Variants in IVNS1ABP observed in about 807,000 individuals in gnomAD.
The protein encoded by IVNS1ABP is influenza virus NS1A binding protein, also known as influenza virus NS1A-binding protein.
Under a neutral mutation model 78.9 loss-of-function variants are expected in IVNS1ABP, and 25 were observed. The observed-to-expected ratio is 0.32, with a 90% confidence interval of 0.23 to 0.44. IVNS1ABP has a LOEUF of 0.44. Ranked by LOEUF, IVNS1ABP falls within the 20% of genes least tolerant of loss-of-function variation. The pLI is 1.00. For missense variants in IVNS1ABP, 494 were observed against 768.9 expected, an observed-to-expected ratio of 0.64 and a Z score of 4.23; for synonymous variants, 241 against 259.7, an observed-to-expected ratio of 0.93 and a Z score of 0.69.
intron 10 of IVNS1ABP, 122 bp downstream of exon 10, chr1:185,300,847 ATTG>A: frequency 1.4e-6 from 1 of 739,254 alleles, no homozygotes; most frequent in Admixed American, 2.8e-5. Context: ...ATTCAATAGT[ATTG>A]TTATTTCCCT....
chr1:185,316,676 A>C (rs749600527), intron 1 of IVNS1ABP, among the ~76,000 whole-genome samples: 67 of 152,124 alleles, frequency 4.4e-4, no homozygotes, highest in Non-Finnish European at 3.2e-4. Flanking sequence ...CCAGTGTAGC[A>C]AAGGGGCTCC....
Position 185,298,181 on chromosome 1 carries a change from G to T in IVNS1ABP, c.1783C>A (p.Pro595Thr). Residue 595 changes from proline to threonine, a missense_variant, in exon 15 of 15, where the codon CCA (proline) becomes ACA (threonine). Physicochemically the swap from Pro to Thr is conservative, Grantham distance 38 (BLOSUM62 -1). Coordinates refer to ENST00000367498, the MANE Select transcript of IVNS1ABP (RefSeq NM_006469.5). This position sits in a 1 kb window ranked among gnomAD's most constrained non-coding sequence, Gnocchi z 4.1. ...EWKMMGNMTS[P>T]RSNAGIATVG... Reference sequence around the variant, plus strand: ...GTTGCAATCCCAGCATTGCTCCTTGGTGAAGTCATATTTCCCATCATCTTC... The same window carrying T: ...GTTGCAATCCCAGCATTGCTCCTTGTTGAAGTCATATTTCCCATCATCTTC... 6.2e-7 allele frequency: 1 copy of T among 1,613,764 alleles called. No individual in the cohort carries two copies. The highest frequency in any genetic ancestry group is 8.5e-7 in the Non-Finnish European group (1 of 1,179,812).
Position 185,309,421 on chromosome 1 carries a change from G to A in IVNS1ABP, c.73C>T (p.Leu25=), listed in dbSNP as rs1211675072. 7 of 1,612,374 alleles carry A rather than the reference G, an allele frequency of 4.3e-6. No homozygotes were observed. Among genetic ancestry groups the A allele is most frequent in the Non-Finnish European group, 4.2e-6 (5 of 1,178,984 alleles). The change falls in exon 3 of 15, where the codon CTG becomes TTG. Residue 25 remains leucine (L), a synonymous_variant. Transcript: ENST00000367498. ...TCACAGAACTGGCCACTTTTCCTCA[G>A]GGCATTTAATTTGGCAACAGAAGAC... The part of the protein sequence containing the change: ...IESSVAKLNA[L]RKSGQFCDVR...
chr1:185,307,371 T>C, intron 6 of IVNS1ABP, 118 bp downstream of exon 6: 1 of 934,028 alleles, frequency 1.1e-6, no homozygotes, highest in Non-Finnish European at 1.6e-6. Context: ...CTGCTAAGAA[T>C]AACAATATAA....
chr1:185,314,499 T>C (rs748044823), intron 1 of IVNS1ABP, among the ~76,000 whole-genome samples: 1 of 152,212 alleles, frequency 6.6e-6, no homozygotes, highest in Non-Finnish European at 1.5e-5. Flanking sequence ...TCAGTTTCAA[T>C]AGATTGTAGA....
At position 185,307,778 on chromosome 1, in the gene IVNS1ABP, A is replaced by C. The variant is rs150877123; in HGVS notation, c.358-116T>G. On this transcript the variant is annotated intron_variant, in intron 5 of 14. Transcript: ENST00000367498. Reference sequence around the variant, plus strand: ...ACAAAGAATCAAAAATCACTGTCTTAATACAACAAATGTTAATAGTGGTAA... The same window carrying C: ...ACAAAGAATCAAAAATCACTGTCTTCATACAACAAATGTTAATAGTGGTAA... The C allele has an allele frequency of 3.1e-4, 375 of 1,218,008 alleles. 4 individuals carry two copies. The East Asian group carries it at 8.8e-3, about 29-fold the overall frequency. 75.5% of individuals were successfully genotyped at this position (1,218,008 alleles called of 1,614,324 possible). A position where few individuals can be genotyped will look rare whatever the true frequency, so the allele number is the denominator to read the frequency against.
chr1:185,308,157 T>A, intron 5 of IVNS1ABP: 2 of 1,173,880 alleles, frequency 1.7e-6, no homozygotes, highest in Non-Finnish European at 2.3e-6. Flanking sequence ...AACAAAGGAG[T>A]GGTATTAGAA....
intron 10 of IVNS1ABP, 88 bp from the exon 11 acceptor site, chr1:185,300,646 CAATGAGAAAAAGTATTAA>C: frequency 8.0e-6 from 11 of 1,371,564 alleles, no homozygotes; most frequent in Non-Finnish European, 1.1e-5. Context: ...GAAATCTGCA[CAATGAGAAAAAGTATTAA>C]AACTTTTTAA....
intron 5 of IVNS1ABP, 179 bp from the exon 6 acceptor site, chr1:185,307,841 TA>T: frequency 7.9e-7 from 1 of 1,263,088 alleles, no homozygotes. Context: ...AATTATGCCA[TA>T]CAGATATGTA....
chr1:185,309,216 T>A, intron 3 of IVNS1ABP, 44 bp from the exon 4 acceptor site: 1 of 1,417,888 alleles, frequency 7.1e-7, no homozygotes, highest in Non-Finnish European at 9.5e-7. Flanking sequence ...GTGGATTATG[T>A]GCTTCTCTAG....
intron 7 of IVNS1ABP, chr1:185,306,462 G>T: frequency 1.6e-6 from 2 of 1,288,148 alleles, no homozygotes; most frequent in Non-Finnish European, 2.0e-6. Context: ...TTAAAGACAA[G>T]AATCCTGTAA....
chr1:185,305,954 TA>T lies in IVNS1ABP; in HGVS notation c.658-312del, dbSNP rs1358339402. 18 of 285,318 alleles carry T rather than the reference TA, an allele frequency of 6.3e-5. No homozygotes were observed. Among genetic ancestry groups the T allele is most frequent in the Admixed American group, 1.9e-4 (4 of 21,222 alleles). The allele number at this position is 285,318 out of a possible 1,614,324, so 17.7% of individuals were successfully genotyped here. A position where few individuals can be genotyped will look rare whatever the true frequency, so the allele number is the denominator to read the frequency against. ...CATATAACAGTAAGAAAAAAAGCAC[TA>T]GTACAATATATACTCTTAAAGAATA... On this transcript the variant is annotated intron_variant, in intron 7 of 14. Coordinates refer to ENST00000367498, the MANE Select transcript of IVNS1ABP (RefSeq NM_006469.5). This position sits in a 1 kb window ranked among gnomAD's most constrained non-coding sequence, Gnocchi z 4.0.
At chr1:185,301,285 C>A (rs1359663768) in intron 9 of IVNS1ABP, 89 bp from the exon 10 acceptor site, 2 of 1,389,524 alleles carry the variant, frequency 1.4e-6, no homozygotes, top group African/African-American at 1.4e-5. Flanking sequence ...TCTCCACATC[C>A]CAGACTGGAA....
At chr1:185,315,898 C>T (rs1267552707) in intron 1 of IVNS1ABP, among the ~76,000 whole-genome samples, 1 of 151,250 alleles carries the variant, frequency 6.6e-6, no homozygotes, top group Non-Finnish European at 1.5e-5. Flanking sequence ...GGTGTTCTAA[C>T]GCTCCATCAC....
In IVNS1ABP at chr1:185,304,819, G is replaced by A. The variant is rs551849040; in HGVS notation, c.765+717C>T. Among the ~76,000 whole-genome samples the A allele has an allele frequency of 5.3e-5, 8 of 152,234 alleles. No individual in the cohort carries two copies. The East Asian group carries it at 1.5e-3, about 29-fold the overall frequency. ...GTGTTTACACTGGTAGGTTCACTAT[G>A]TGGTAATTATGACTTGTGTACTTTT... On this transcript the variant is annotated intron_variant, in intron 8 of 14. Coordinates refer to ENST00000367498, the MANE Select transcript of IVNS1ABP (RefSeq NM_006469.5).
At chr1:185,313,738 G>A (rs920488954) in intron 1 of IVNS1ABP, among the ~76,000 whole-genome samples, 1 of 152,156 alleles carries the variant, frequency 6.6e-6, no homozygotes, top group African/African-American at 2.4e-5. Context: ...AGTATGAAAC[G>A]TAGAATTGTT....
intron 2 of IVNS1ABP, among the ~76,000 whole-genome samples, chr1:185,309,722 G>C (rs1665834945): frequency 6.6e-6 from 1 of 152,134 alleles, no homozygotes; most frequent in South Asian, 2.1e-4. Flanking sequence ...GACTTTTAAA[G>C]GATTCAAACA....
chr1:185,311,524 T>C (rs1421945610), intron 1 of IVNS1ABP, among the ~76,000 whole-genome samples: 1 of 142,792 alleles, frequency 7.0e-6, no homozygotes, highest in East Asian at 2.1e-4. Context: ...ACCCAAGTGA[T>C]TAAAAAAAAA....
chr1:185,305,709 T>TG lies in IVNS1ABP; in HGVS notation c.658-67_658-66insC, dbSNP rs1268116603. On this transcript the variant is annotated intron_variant, in intron 7 of 14. Coordinates refer to ENST00000367498, the MANE Select transcript of IVNS1ABP (RefSeq NM_006469.5). The surrounding 1 kb of genome is among the most constrained non-coding windows in gnomAD (Gnocchi z 4.0). ...CATGGCTACTCCACTAGTATGCAGA[T>TG]TACACAAACGCCTCAAGGTAACCTC... The TG allele has an allele frequency of 2.5e-6, 4 of 1,577,782 alleles. No homozygotes were observed. The African/African-American group carries it at 5.4e-5, about 21-fold the overall frequency.
Sources: gnomAD v4.1 joint callset for allele counts (sites outside exome capture counted in the v4.1 genomes callset) on GRCh38, gnomAD v4.1.1 for gene constraint, Gnocchi (gnomAD v3.1) non-coding constraint, MANE v1.5 for transcripts, NCBI Gene and HGNC (gene_info 2026-07-23, HGNC 2026-07-21) for gene names.